The following PIAS1 variants were observed in gnomAD, a reference collection of about 807,000 sequenced individuals.
PIAS1 encodes E3 SUMO-protein ligase PIAS1.
Under a neutral mutation model 71.3 loss-of-function variants are expected in PIAS1, and 6 were observed. The observed-to-expected ratio is 0.08, with a 90% CI of 0.05 to 0.17. PIAS1 has a LOEUF of 0.17. Ranked by LOEUF, PIAS1 falls within the 10% of genes least tolerant of loss-of-function variation. The pLI is 1.00. For missense variants in PIAS1, 555 were observed against 793.6 expected, an observed-to-expected ratio of 0.70 and a Z score of 3.61; for synonymous variants, 303 against 292.9, an observed-to-expected ratio of 1.03 and a Z score of -0.35.
At chr15:68,184,802 G>A (rs1382847664) in intron 13 of PIAS1, 1 of 153,326 alleles carries the variant, frequency 6.5e-6, no homozygotes, top group African/African-American at 2.4e-5. Context: ...AGGCTTTTAA[G>A]GACAAGATAA....
Position 68,176,319 on chromosome 15 carries a change from T to C in PIAS1, c.1301-155T>C, listed in dbSNP as rs2093019940. Among the ~76,000 whole-genome samples the C allele has an allele frequency of 3.3e-5, 5 of 152,204 alleles. No individual in the cohort carries two copies. The South Asian group carries it at 1.0e-3, about 32-fold the overall frequency. ...AATTTACTATTATTAAATAATAGTT[T>C]TAAACTTAGAAGAACAGAGCCACTG... On this transcript the variant is annotated intron_variant, in intron 10 of 13. Transcript: ENST00000249636.
At chr15:68,104,804 T>C (rs981547875) in intron 2 of PIAS1, among the ~76,000 whole-genome samples, 1 of 152,162 alleles carries the variant, frequency 6.6e-6, no homozygotes, top group African/African-American at 2.4e-5. Flanking sequence ...ATTCCATAAA[T>C]ATGTACAGCA....
chr15:68,116,975 G>A (rs1038924541), intron 2 of PIAS1, among the ~76,000 whole-genome samples: 4 of 152,162 alleles, frequency 2.6e-5, no homozygotes, highest in African/African-American at 9.7e-5. Flanking sequence ...ATTGTGTAGT[G>A]TTCAGGTCAG....
At chr15:68,142,249 T>C in intron 3 of PIAS1, 41 bp from the exon 4 acceptor site, 1 of 1,528,558 alleles carries the variant, frequency 6.5e-7, no homozygotes, top group Non-Finnish European at 9.0e-7. Context: ...TTCATGCAAA[T>C]ACTTTAAAAG....
chr15:68,075,635 A>G (rs569444554), intron 1 of PIAS1, among the ~76,000 whole-genome samples: 1 of 152,262 alleles, frequency 6.6e-6, no homozygotes, highest in Admixed American at 6.5e-5. Flanking sequence ...TAGAAAAGAA[A>G]GGGTCGTTAT....
intron 2 of PIAS1, among the ~76,000 whole-genome samples, chr15:68,099,895 T>G (rs1184850103): frequency 1.3e-5 from 2 of 152,174 alleles, no homozygotes; most frequent in Non-Finnish European, 2.9e-5. Flanking sequence ...TTGAACATCT[T>G]TCCACATACT....
intron 6 of PIAS1, among the ~76,000 whole-genome samples, chr15:68,150,013 T>A (rs2141057724): frequency 6.6e-6 from 1 of 151,596 alleles, no homozygotes; most frequent in African/African-American, 2.4e-5. Flanking sequence ...TCTTACTGGA[T>A]TTTTTTTTAG....
chr15:68,132,554 T>C (rs1210282011), intron 2 of PIAS1, among the ~76,000 whole-genome samples: 1 of 152,140 alleles, frequency 6.6e-6, no homozygotes, highest in East Asian at 1.9e-4. Context: ...TCTACAAATA[T>C]TCTTGTAAAA....
In PIAS1 at chr15:68,141,933, T is replaced by C; in HGVS notation, c.470-13T>C. The C allele has an allele frequency of 6.4e-7, 1 of 1,571,184 alleles. No individual in the cohort carries two copies. Among genetic ancestry groups the C allele is most frequent in the African/African-American group, 1.3e-5 (1 of 74,362 alleles). On this transcript the variant is annotated splice_polypyrimidine_tract_variant and intron_variant, in intron 2 of 13. Coordinates refer to ENST00000249636, the MANE Select transcript of PIAS1 (RefSeq NM_016166.3). Reference sequence around the variant, plus strand: ...TTAAAGGTAATTGAAAGTATAATTCTTGTCTTCTTTAGCATCAGACAACAG... The same window carrying C: ...TTAAAGGTAATTGAAAGTATAATTCCTGTCTTCTTTAGCATCAGACAACAG...
At chr15:68,112,744 G>T (rs1257038069) in intron 2 of PIAS1, among the ~76,000 whole-genome samples, 1 of 152,150 alleles carries the variant, frequency 6.6e-6, no homozygotes, top group Non-Finnish European at 1.5e-5. Context: ...ATACCATTTG[G>T]TTATGCAAAT....
chr15:68,172,595 A>C (rs928162404), intron 8 of PIAS1, among the ~76,000 whole-genome samples: 20 of 152,206 alleles, frequency 1.3e-4, no homozygotes, highest in Admixed American at 1.3e-3. Flanking sequence ...ATATTTTTCA[A>C]GTTCACAAAT....
Position 68,185,983 on chromosome 15 carries a change from A to AC in PIAS1, c.1663-1559_1663-1558insC, listed in dbSNP as rs1555435050. 6.7e-6 allele frequency among the ~76,000 whole-genome samples: 1 copy of AC among 149,470 alleles called. No individual in the cohort carries two copies. The highest frequency in any genetic ancestry group is 2.5e-5 in the African/African-American group (1 of 40,470). On this transcript the variant is annotated intron_variant, in intron 13 of 13. Coordinates refer to ENST00000249636, the MANE Select transcript of PIAS1 (RefSeq NM_016166.3). The surrounding 1 kb of genome is among the most constrained non-coding windows in gnomAD (Gnocchi z 4.4). The stretch of plus-strand genomic sequence containing the variant: ...TCCATCTCAAAAACAAAACAAACAA[A>AC]AAAAACATGGGCCCTAACAATGAAA...
At chr15:68,132,731 A>G (rs2092696571) in intron 2 of PIAS1, among the ~76,000 whole-genome samples, 1 of 152,214 alleles carries the variant, frequency 6.6e-6, no homozygotes, top group South Asian at 2.1e-4. Context: ...AATAGAGCTT[A>G]GAAGAACAAA....
chr15:68,145,002 T>C (rs1452567644), intron 4 of PIAS1, among the ~76,000 whole-genome samples: 1 of 152,136 alleles, frequency 6.6e-6, no homozygotes, highest in Non-Finnish European at 1.5e-5. Context: ...TCAGGGGTGC[T>C]ATTAGCATTC....
At chr15:68,094,877 C>G (rs75199581) in intron 2 of PIAS1, among the ~76,000 whole-genome samples, 3,156 of 152,248 alleles carry the variant, frequency 0.021, 111 homozygotes, top group African/African-American at 0.072. Context: ...CACTTACCTG[C>G]TAAGTCGTAC....
chr15:68,104,185 C>T (rs7496270), intron 2 of PIAS1, among the ~76,000 whole-genome samples: 151,483 of 152,320 alleles, frequency 0.99, 75,334 homozygotes, highest in Middle Eastern at 1. Flanking sequence ...ACAAATAGCA[C>T]GTACCTGGCT....
intron 2 of PIAS1, among the ~76,000 whole-genome samples, chr15:68,107,091 T>C (rs540026930): frequency 1.3e-5 from 2 of 152,330 alleles, no homozygotes; most frequent in Admixed American, 1.3e-4. Context: ...GTTTAAGCAT[T>C]TTTCTGGGTC....
At chr15:68,175,810 C>CG (rs1555433891) in intron 10 of PIAS1, 43 bp downstream of exon 10, 2 of 1,401,948 alleles carry the variant, frequency 1.4e-6, no homozygotes, top group Non-Finnish European at 1.9e-6. Context: ...CCCTACTGCT[C>CG]TAAGTCTGGT....
intron 2 of PIAS1, among the ~76,000 whole-genome samples, chr15:68,136,355 C>T (rs62004788): frequency 0.15 from 7,659 of 50,818 alleles, 2,990 homozygotes; most frequent in Non-Finnish European, 0.23. Context: ...ATCCCGGCGC[C>T]TCGGGAGGCC....
Sources: gnomAD v4.1 joint callset for allele counts (sites outside exome capture counted in the v4.1 genomes callset) on GRCh38, gnomAD v4.1.1 for gene constraint, Gnocchi (gnomAD v3.1) non-coding constraint, MANE v1.5 for transcripts, NCBI Gene and HGNC (gene_info 2026-07-23, HGNC 2026-07-21) for gene names.